Variants in LRRC73 observed in about 807,000 individuals in gnomAD.
The protein encoded by LRRC73 is leucine rich repeat containing 73.
LRRC73 carries 16 observed loss-of-function variants against 26.4 expected under a neutral mutation model. The observed-to-expected ratio is 0.61, with a 90% CI of 0.41 to 0.92. LRRC73 has a LOEUF of 0.92. LRRC73 is among the 40% of genes least tolerant of loss of function. The probability of loss-of-function intolerance (pLI) is 0.00; values close to 1 mark genes in which losing one functional copy is unlikely to be tolerated. For synonymous variants in LRRC73, 210 were observed against 179.8 expected, an observed-to-expected ratio of 1.17 and a Z score of -1.34; for missense variants, 344 against 416.3, an observed-to-expected ratio of 0.83 and a Z score of 1.51.
exon 1 of LRRC73, chr6:43,510,168 C>T: frequency 5.8e-6 from 1 of 171,444 alleles, no homozygotes; most frequent in Non-Finnish European, 1.2e-5. Flanking sequence ...GCGGCGGCGG[C>T]GGCAGCGGCA....
At chr6:43,507,616 G>T in exon 5 of LRRC73, 2 of 1,614,112 alleles carry the variant, frequency 1.2e-6, no homozygotes, top group Non-Finnish European at 1.7e-6. Flanking sequence ...GGCTAATGCT[G>T]TTCTCAGCCA....
rs528460256 is a variant in LRRC73, at chr6:43,508,280, G to A, written c.556+18C>T. 6.2e-7 allele frequency: 1 copy of A among 1,603,106 alleles called. No homozygotes were observed. Among genetic ancestry groups the A allele is most frequent in the East Asian group, 2.2e-5 (1 of 44,780 alleles). On this transcript the variant is annotated intron_variant, in intron 3 of 5. Coordinates refer to ENST00000372441, the Ensembl canonical transcript of LRRC73. ...GCATGAGGCAGTGACAGCCCAAGGG[G>A]GTATTCTTGAGCCTCACCCAGGGGG...
chr6:43,509,033 G>A, intron 1 of LRRC73, 113 bp from the exon 2 acceptor site: 2 of 1,082,108 alleles, frequency 1.8e-6, no homozygotes, highest in South Asian at 4.0e-5. Context: ...CACAGCGCTT[G>A]AGAGGCCTGG....
chr6:43,510,125 G>T, exon 1 of LRRC73: 1 of 199,852 alleles, frequency 5.0e-6, no homozygotes, highest in Non-Finnish European at 1.0e-5. Context: ...GGCAGGCGCT[G>T]CTCGGCGCTT....
At chr6:43,509,601 T>A in exon 1 of LRRC73, 1 of 1,607,514 alleles carries the variant, frequency 6.2e-7, no homozygotes. Flanking sequence ...CAGGTTAAGG[T>A]TGAGCTGCGC....
exon 6 of LRRC73, chr6:43,507,092 C>A: frequency 1.3e-6 from 1 of 796,772 alleles, no homozygotes; most frequent in Middle Eastern, 3.6e-4. Context: ...GAGCTTCCTT[C>A]CCACCACACT....
rs769290581 is a variant in LRRC73, at chr6:43,509,491, C to T, written c.272+23G>A. 3 of 1,589,622 alleles carry T rather than the reference C, an allele frequency of 1.9e-6. No homozygotes were observed. The East Asian group carries it at 6.8e-5, about 36-fold the overall frequency. ...ATGGAAGGGTGCAGTGCCCGGGACC[C>T]CCTTGCGAGGGGGCGCACTCACAAG... On this transcript the variant is annotated intron_variant, in intron 1 of 5. Transcript: ENST00000372441.
exon 6 of LRRC73, chr6:43,507,301 G>A: frequency 6.2e-7 from 1 of 1,613,986 alleles, no homozygotes; most frequent in South Asian, 1.1e-5. Flanking sequence ...CCATCTGAGA[G>A]CTGGGATCTG....
chr6:43,508,298 C>T, exon 3 of LRRC73: 2 of 1,610,716 alleles, frequency 1.2e-6, no homozygotes, highest in South Asian at 1.1e-5. Context: ...TGAGCCTCAC[C>T]CAGGGGGTTG....
At chr6:43,509,791 C>T (rs1792608458) in exon 1 of LRRC73, 1 of 1,525,324 alleles carries the variant, frequency 6.6e-7, no homozygotes, top group South Asian at 1.3e-5. Flanking sequence ...AGCATCGTGC[C>T]CACGGCTGGG....
At chr6:43,509,941 T>G (rs1216966156) in exon 1 of LRRC73, 4 of 519,252 alleles carry the variant, frequency 7.7e-6, no homozygotes, top group East Asian at 3.9e-5. Context: ...AGGCTGCGGC[T>G]GCGGCGGAGG....
chr6:43,509,559 T>C, exon 1 of LRRC73: 1 of 1,610,246 alleles, frequency 6.2e-7, no homozygotes, highest in Non-Finnish European at 8.5e-7. Flanking sequence ...CTCAGCCAGC[T>C]GCTTGATGCG....
chr6:43,509,909 G>T, exon 1 of LRRC73: 1 of 785,284 alleles, frequency 1.3e-6, no homozygotes, highest in Non-Finnish European at 1.7e-6. Flanking sequence ...GGGGCCGGGG[G>T]TGGAGGCGGC....
chr6:43,507,081 A>T, exon 6 of LRRC73: 1 of 736,140 alleles, frequency 1.4e-6, no homozygotes, highest in Non-Finnish European at 2.3e-6. Context: ...CACAGCTTCC[A>T]GAGCTTCCTT....
At chr6:43,509,396 T>G in intron 1 of LRRC73, 118 bp downstream of exon 1, 1 of 1,284,234 alleles carries the variant, frequency 7.8e-7, no homozygotes, top group Non-Finnish European at 1.0e-6. Flanking sequence ...ACGGTGTATG[T>G]GCATAAGGCA....
chr6:43,509,140 G>A lies in LRRC73; in HGVS notation c.273-220C>T, dbSNP rs183115724. 5.7e-3 allele frequency among the ~76,000 whole-genome samples: 861 copies of A among 152,238 alleles called. 5 individuals are homozygous for A. The highest frequency in any genetic ancestry group is 9.0e-3 in the Non-Finnish European group (615 of 67,988). On this transcript the variant is annotated intron_variant, in intron 1 of 5. Transcript: ENST00000372441. ...AGGGATCCAGGACATTGCACAGGGAGGGGCAGAGAAGGGGTGGGTGGGTGG... is the reference window on the plus strand; with the variant it reads ...AGGGATCCAGGACATTGCACAGGGAAGGGCAGAGAAGGGGTGGGTGGGTGG...
At chr6:43,509,268 G>A (rs1354934403) in intron 1 of LRRC73, among the ~76,000 whole-genome samples, 2 of 152,178 alleles carry the variant, frequency 1.3e-5, no homozygotes, top group African/African-American at 4.8e-5. Context: ...ATGATTAGGT[G>A]GGGAGGTACG....
chr6:43,507,206 A>G (rs1170382458), exon 6 of LRRC73: 1 of 1,611,154 alleles, frequency 6.2e-7, no homozygotes, highest in Non-Finnish European at 8.5e-7. Flanking sequence ...GACATAGATA[A>G]GTGAAATGGT....
At chr6:43,509,431 G>A (rs1426374180) in intron 1 of LRRC73, 83 bp downstream of exon 1, 6 of 1,465,866 alleles carry the variant, frequency 4.1e-6, no homozygotes, top group Admixed American at 2.2e-5. Flanking sequence ...GGTACTGGAA[G>A]GAGTGTGGAG....
Sources: gnomAD v4.1 joint callset for allele counts (sites outside exome capture counted in the v4.1 genomes callset) on GRCh38, gnomAD v4.1.1 for gene constraint, MANE v1.5 for transcripts, NCBI Gene and HGNC (gene_info 2026-07-23, HGNC 2026-07-21) for gene names.